MYH10: variants seen among roughly 807,000 people sequenced by gnomAD.
The protein encoded by MYH10 is myosin heavy chain 10.
A neutral mutation model predicts 257.8 loss-of-function variants in MYH10; 55 were observed. That is an observed-to-expected ratio of 0.21 (90% CI 0.17 to 0.27). The LOEUF (loss-of-function observed/expected upper bound fraction) is 0.27, where lower values mean the gene tolerates loss of function less well. MYH10 is among the 10% of genes least tolerant of loss of function. The pLI, the probability that MYH10 is intolerant of heterozygous loss-of-function variation, is 1.00. For missense variants in MYH10, 1,631 were observed against 2,500.6 expected (o/e 0.65, Z 7.42); for synonymous variants, 854 against 921.7 (o/e 0.93, Z 1.33).
In MYH10 at chr17:8,484,284, G is replaced by A. The variant is rs376561391; in HGVS notation, c.5047-18C>T. The A allele has an allele frequency of 9.9e-5, 155 of 1,566,826 alleles. 1 individual carries two copies. In the African/African-American group the frequency reaches 1.9e-3, roughly 19 times the overall value. On this transcript the variant is annotated intron_variant, in intron 36 of 42. Transcript: ENST00000360416. ...ATCTGAGCCTAAGATTAAATAAGAAGGTTTTGGGGTGGTTTACATTCTTAG... is the reference window on the plus strand; with the variant it reads ...ATCTGAGCCTAAGATTAAATAAGAAAGTTTTGGGGTGGTTTACATTCTTAG...
chr17:8,548,728 T>C lies in MYH10; in HGVS notation c.979A>G (p.Ile327Val), dbSNP rs748262393. 2.5e-5 allele frequency: 40 copies of C among 1,613,598 alleles called. No homozygotes were observed. Among genetic ancestry groups the C allele is most frequent in the Middle Eastern group, 1.6e-4 (1 of 6,082 alleles). The change falls in exon 10 of 43, where the codon ATT (isoleucine) becomes GTT (valine). Residue 327 changes from isoleucine (I) to valine (V), a missense_variant. Physicochemically the swap from Ile to Val is conservative, Grantham distance 29. Around this residue, in one of 11 missense-constraint regions of MYH10, gnomAD observed 360 missense variants for 581.9 expected, o/e 0.62. Coordinates refer to ENST00000360416, the MANE Select transcript of MYH10 (RefSeq NM_001256012.3). ...TTATCTTTGTCTTGCTGTCCCGGAA[T>C]AGGAATATAGCCATTGGAGAGAAAC... is the stretch of plus-strand genomic sequence containing the variant. ...YRFLSNGYIP[I>V]PGQQDKDNFQ...
intron 11 of MYH10, 120 bp downstream of exon 11, chr17:8,548,191 ACT>A (rs768627458): frequency 4.7e-6 from 3 of 640,826 alleles, no homozygotes; most frequent in East Asian, 5.5e-5. Context: ...CGATGTTGTC[ACT>A]CTACTCAAGG....
chr17:8,538,465 C>G (rs1159897756), intron 14 of MYH10, among the ~76,000 whole-genome samples: 1 of 152,244 alleles, frequency 6.6e-6, no homozygotes, highest in East Asian at 1.9e-4. Flanking sequence ...CCGCCTTGGC[C>G]TCCCAAAGTG....
chr17:8,627,442 A>G (rs1427815689), intron 1 of MYH10, among the ~76,000 whole-genome samples: 1 of 152,182 alleles, frequency 6.6e-6, no homozygotes, highest in East Asian at 1.9e-4. Flanking sequence ...TTTCAGGTCA[A>G]TGTGGCAATT....
chr17:8,573,897 C>A, intron 6 of MYH10: 4 of 795,528 alleles, frequency 5.0e-6, no homozygotes, highest in Non-Finnish European at 6.1e-6. Flanking sequence ...AAAACACAGA[C>A]AATGCCAAGT....
chr17:8,486,230 C>T (rs538046415), intron 36 of MYH10, among the ~76,000 whole-genome samples: 5 of 152,076 alleles, frequency 3.3e-5, no homozygotes, highest in Admixed American at 3.3e-4. Flanking sequence ...TTGGGAGGGA[C>T]CAAAATGCCC....
intron 17 of MYH10, among the ~76,000 whole-genome samples, chr17:8,523,877 C>G (rs149684528): frequency 5.9e-5 from 9 of 152,106 alleles, no homozygotes; most frequent in African/African-American, 2.2e-4. Context: ...CTTGAGCAAC[C>G]GAGTGGCGGT....
chr17:8,542,076 T>C (rs2082306151), intron 14 of MYH10, 31 bp downstream of exon 14: 2 of 1,582,446 alleles, frequency 1.3e-6, no homozygotes, highest in Non-Finnish European at 1.7e-6. Context: ...GAGTGGAAAA[T>C]GAAAGACAGC....
Position 8,474,588 on chromosome 17 carries a change from T to C in MYH10, c.*1216A>G, listed in dbSNP as rs1038861399. 3 of 152,574 alleles carry C rather than the reference T, an allele frequency of 2.0e-5. No individual in the cohort carries two copies. Among genetic ancestry groups the C allele is most frequent in the South Asian group, 2.1e-4 (1 of 4,828 alleles). The allele number at this position is 152,574 out of a possible 1,614,324, so 9.5% of individuals were successfully genotyped here. Reference sequence around the variant, plus strand: ...CCACTTTGACTAGAGAGGTACATGATATGAAGCACAGTCAAAACTGAATAC... The same window carrying C: ...CCACTTTGACTAGAGAGGTACATGACATGAAGCACAGTCAAAACTGAATAC... On this transcript the variant is annotated 3_prime_UTR_variant, in exon 43 of 43. Coordinates refer to ENST00000360416, the MANE Select transcript of MYH10 (RefSeq NM_001256012.3).
chr17:8,484,594 A>G (rs908818852), intron 36 of MYH10, among the ~76,000 whole-genome samples: 1 of 152,248 alleles, frequency 6.6e-6, no homozygotes, highest in Admixed American at 6.5e-5. Flanking sequence ...ACAGAATAGT[A>G]GCAAACTGAA....
At position 8,565,212 on chromosome 17, in the gene MYH10, G is replaced by T. The variant is rs78318933; in HGVS notation, c.756+4508C>A. Among the ~76,000 whole-genome samples the T allele has an allele frequency of 6.6e-5, 10 of 152,298 alleles. No homozygotes were observed. The East Asian group carries it at 1.9e-3, about 29-fold the overall frequency. On this transcript the variant is annotated intron_variant, in intron 7 of 42. Coordinates refer to ENST00000360416, the MANE Select transcript of MYH10 (RefSeq NM_001256012.3). ...TCCATTTGGAGATATCAATTAAGCT[G>T]CACAGTGGCTGGCAAATAATAGGTG...
At chr17:8,579,771 T>A (rs983471668) in intron 4 of MYH10, among the ~76,000 whole-genome samples, 1 of 152,226 alleles carries the variant, frequency 6.6e-6, no homozygotes, top group Non-Finnish European at 1.5e-5. Context: ...CTCATTTTTA[T>A]ATCATCTGTA....
chr17:8,527,611 G>A (rs1338497665), intron 17 of MYH10, among the ~76,000 whole-genome samples: 1 of 152,228 alleles, frequency 6.6e-6, no homozygotes, highest in Non-Finnish European at 1.5e-5. Flanking sequence ...GGGTTTCTCT[G>A]TTGTTCTGTA....
rs1336859203 is a variant in MYH10 at position 8,480,197 on chromosome 17, C to T, written c.5510G>A (p.Gly1837Asp). 1.2e-6 allele frequency: 2 copies of T among 1,614,142 alleles called. No homozygotes were observed. Among genetic ancestry groups the T allele is most frequent in the South Asian group, 1.1e-5 (1 of 91,086 alleles). Residue 1837 changes from glycine to aspartate, a missense_variant, in exon 40 of 43, where the codon GGT (glycine) becomes GAT (aspartate). By Grantham distance (94) the Gly-to-Asp change is moderately conservative. Around this residue, in one of 11 missense-constraint regions of MYH10, gnomAD observed 343 missense variants for 389.5 expected, o/e 0.88. Transcript: ENST00000360416. The part of the protein sequence containing the change: ...ELKAKLQELE[G>D]AVKSKFKATI... ...GGCCTTGAACTTAGACTTGACAGCA[C>T]CCTCGAGTTCCTGCAGCTTGGCCTT...
chr17:8,629,280 G>A (rs942911198), intron 1 of MYH10, among the ~76,000 whole-genome samples: 2 of 152,144 alleles, frequency 1.3e-5, no homozygotes, highest in African/African-American at 4.8e-5. Flanking sequence ...ATTATTCAGC[G>A]AAAACAGCAG....
intron 14 of MYH10, among the ~76,000 whole-genome samples, chr17:8,536,264 G>C (rs2082135403): frequency 6.6e-6 from 1 of 152,176 alleles, no homozygotes; most frequent in South Asian, 2.1e-4. Context: ...GTGGAGAGAT[G>C]AAACTGAATG....
At chr17:8,566,082 A>G (rs763051055) in intron 7 of MYH10, among the ~76,000 whole-genome samples, 64 of 152,284 alleles carry the variant, frequency 4.2e-4, no homozygotes, top group Middle Eastern at 3.4e-3. Flanking sequence ...GCCTCTACCA[A>G]CTAGATGCCA....
intron 2 of MYH10, among the ~76,000 whole-genome samples, chr17:8,620,547 ATTTG>A (rs752350010): frequency 6.6e-5 from 10 of 151,448 alleles, no homozygotes; most frequent in Non-Finnish European, 1.3e-4. Context: ...TAGCAAGCTA[ATTTG>A]TTTAAATAAA....
Position 8,622,548 on chromosome 17 carries a change from G to A in MYH10, c.345+354C>T, listed in dbSNP as rs62062531. On this transcript the variant is annotated intron_variant, in intron 2 of 42. Coordinates refer to ENST00000360416, the MANE Select transcript of MYH10 (RefSeq NM_001256012.3). ...TTGGGTATGCACTTGATTTTTGACC[G>A]TTTTGCTGTCTGCGTCCAATTAATG... 6.6e-3 allele frequency among the ~76,000 whole-genome samples: 998 copies of A among 152,236 alleles called. 9 individuals carry two copies. Among genetic ancestry groups the A allele is most frequent in the Admixed American group, 0.013 (197 of 15,278 alleles).
Sources: gnomAD v4.1 joint callset for allele counts (sites outside exome capture counted in the v4.1 genomes callset) on GRCh38, gnomAD v4.1.1 for gene constraint, gnomAD v4.1.1 regional missense constraint, MANE v1.5 for transcripts, NCBI Gene and HGNC (gene_info 2026-07-23, HGNC 2026-07-21) for gene names.